KCTD1: variants seen among roughly 807,000 people sequenced by gnomAD.
KCTD1 encodes BTB/POZ domain-containing protein KCTD1.
A neutral mutation model predicts 66.0 loss-of-function variants in KCTD1; 24 were observed. The ratio of observed to expected loss-of-function variants is 0.36; its 90% CI spans 0.26 to 0.51. KCTD1 has a LOEUF of 0.51. Among genes scored for constraint, KCTD1 ranks in the 20% least tolerant of loss-of-function variants. KCTD1 has a pLI of 0.95. For synonymous variants in KCTD1, 511 were observed against 517.2 expected (o/e 0.99, Z 0.16); for missense variants, 943 against 1,205.2 (o/e 0.78, Z 3.22).
chr18:26,577,676 G>T (rs1200994878), intron 1 of KCTD1, among the ~76,000 whole-genome samples: 1 of 152,016 alleles, frequency 6.6e-6, no homozygotes, highest in African/African-American at 2.4e-5. Flanking sequence ...CTGCTGAATG[G>T]CTAGGACTAC....
intron 3 of KCTD1, among the ~76,000 whole-genome samples, chr18:26,460,602 A>G (rs1377300940): frequency 6.6e-6 from 1 of 152,180 alleles, no homozygotes; most frequent in Non-Finnish European, 1.5e-5. Context: ...GTGCCACCTG[A>G]TGGAGCTGCC....
intron 1 of KCTD1, among the ~76,000 whole-genome samples, chr18:26,567,488 G>GTTTT (rs201110977): frequency 8.9e-6 from 1 of 112,768 alleles, no homozygotes. Flanking sequence ...TGTTGTTGTT[G>GTTTT]TTTTTTTTTT....
chr18:26,656,805 C>T lies in KCTD1; in HGVS notation c.9+555G>A, dbSNP rs562576692. ...AGATGTGCGCTTGGCTCTGGGCGCC[C>T]CCGCGGCGCTGGGCGCTCTCGGCGG... On this transcript the variant is annotated intron_variant, in intron 1 of 4. Transcript: ENST00000580191. Among the ~76,000 whole-genome samples the T allele has an allele frequency of 9.5e-3, 1,428 of 150,620 alleles. 25 individuals are homozygous for T. The highest frequency in any genetic ancestry group is 0.033 in the African/African-American group (1,365 of 41,308).
chr18:26,623,307 C>G (rs901544229), intron 1 of KCTD1, among the ~76,000 whole-genome samples: 1 of 152,180 alleles, frequency 6.6e-6, no homozygotes, highest in Non-Finnish European at 1.5e-5. Flanking sequence ...ATTCCTCTTT[C>G]CTTAAGAGGT....
chr18:26,533,799 C>G (rs1469684626), intron 1 of KCTD1, among the ~76,000 whole-genome samples: 5 of 144,474 alleles, frequency 3.5e-5, no homozygotes, highest in Admixed American at 2.9e-4. Context: ...CACTCCTGGC[C>G]TGTGAGAATA....
At chr18:26,456,229 C>T in intron 4 of KCTD1, 1 of 212,310 alleles carries the variant, frequency 4.7e-6, no homozygotes, top group Non-Finnish European at 9.3e-6. Context: ...GTCTGTTTGG[C>T]CTCAAATCTC....
intron 3 of KCTD1, among the ~76,000 whole-genome samples, chr18:26,475,246 CT>C (rs1226537273): frequency 6.6e-6 from 1 of 152,100 alleles, no homozygotes; most frequent in Admixed American, 6.6e-5. Flanking sequence ...ATCCTTAACG[CT>C]TTTTTTCTTC....
intron 3 of KCTD1, among the ~76,000 whole-genome samples, chr18:26,461,908 G>C (rs1230978440): frequency 1.3e-5 from 2 of 152,178 alleles, no homozygotes; most frequent in African/African-American, 4.8e-5. Context: ...CTGAGGTCAG[G>C]AGTCTTGAGA....
At chr18:26,637,364 A>G (rs1302585322) in intron 1 of KCTD1, among the ~76,000 whole-genome samples, 3 of 152,226 alleles carry the variant, frequency 2.0e-5, no homozygotes, top group African/African-American at 7.2e-5. Flanking sequence ...GACTGTGAAC[A>G]ACGAAGAATG....
At chr18:26,657,389 CA>C (rs1988181479) in exon 1 of KCTD1, 2 of 985,574 alleles carry the variant, frequency 2.0e-6, no homozygotes, top group South Asian at 4.7e-5. Flanking sequence ...AGTCTCTCTC[CA>C]AGTCCCCTTT....
At chr18:26,640,069 G>T (rs1415676658) in intron 1 of KCTD1, among the ~76,000 whole-genome samples, 1 of 152,136 alleles carries the variant, frequency 6.6e-6, no homozygotes, top group African/African-American at 2.4e-5. Context: ...TGGTGGCCAC[G>T]GCAATGGTCC....
intron 1 of KCTD1, among the ~76,000 whole-genome samples, chr18:26,647,828 C>CTT (rs398120240): frequency 2.6e-4 from 39 of 150,630 alleles, no homozygotes; most frequent in Non-Finnish European, 5.3e-4. Flanking sequence ...TCACCTAGAT[C>CTT]TTTTTTTTTG....
chr18:26,551,369 C>G (rs911046209), upstream of KCTD1, among the ~76,000 whole-genome samples: 1 of 152,124 alleles, frequency 6.6e-6, no homozygotes, highest in Admixed American at 6.5e-5. Flanking sequence ...GGAAAAGCAG[C>G]AGTTTTGGGT....
intron 1 of KCTD1, among the ~76,000 whole-genome samples, chr18:26,593,637 GGAAGAGAAGGAAGAGGAGGAA>G (rs2144952128): frequency 8.3e-6 from 1 of 120,402 alleles, no homozygotes. Context: ...AAGATGAGGA[GGAAGAGAAGGAAGAGGAGGAA>G]GAGGAGGAGG....
intron 1 of KCTD1, among the ~76,000 whole-genome samples, chr18:26,556,464 C>T (rs1487995151): frequency 3.9e-5 from 6 of 152,202 alleles, no homozygotes; most frequent in African/African-American, 1.4e-4. Flanking sequence ...TGTTGTTTTA[C>T]AATCTTTTCT....
intron 1 of KCTD1, among the ~76,000 whole-genome samples, chr18:26,564,870 C>A (rs573172672): frequency 1.4e-5 from 2 of 143,214 alleles, no homozygotes; most frequent in African/African-American, 5.2e-5. Flanking sequence ...GCCTGGGCAA[C>A]AAGAACCAAA....
Position 26,546,833 on chromosome 18 carries a change from C to T in KCTD1, c.1704G>A (p.Val568=). The part of the protein sequence containing the change: ...RPSEPVDAVV[V]VSVKHDPLPL... Reference sequence around the variant, plus strand: ...GCAGGGGGTCGTGTTTCACGGAAACCACCACCACCGCATCCACAGGCTCCG... The same window carrying T: ...GCAGGGGGTCGTGTTTCACGGAAACTACCACCACCGCATCCACAGGCTCCG... Residue 568 remains valine (V), a synonymous_variant, in exon 1 of 5, where the codon GTG becomes GTA. Transcript: ENST00000580059. 6 of 1,529,780 alleles carry T rather than the reference C, an allele frequency of 3.9e-6. No homozygotes were observed. Among genetic ancestry groups the T allele is most frequent in the Non-Finnish European group, 5.3e-6 (6 of 1,138,568 alleles). 94.8% of individuals were successfully genotyped at this position (1,529,780 alleles called of 1,614,324 possible). A position where few individuals can be genotyped will look rare whatever the true frequency, so the allele number is the denominator to read the frequency against.
At chr18:26,518,904 C>T (rs969892061) in intron 1 of KCTD1, among the ~76,000 whole-genome samples, 5 of 152,180 alleles carry the variant, frequency 3.3e-5, no homozygotes, top group Non-Finnish European at 7.3e-5. Context: ...AATCCCAATA[C>T]ACTTTATACT....
Position 26,526,441 on chromosome 18 carries a change from G to A in KCTD1, c.1809+20287C>T, listed in dbSNP as rs537582926. On this transcript the variant is annotated intron_variant, in intron 1 of 4. Transcript: ENST00000580059. The stretch of plus-strand genomic sequence containing the variant: ...TGCAGGATTATTTGGGGTGGCACGC[G>A]ATGACCATTTTACGGCTTCTAAATA... 2.0e-5 allele frequency among the ~76,000 whole-genome samples: 3 copies of A among 152,298 alleles called. No homozygotes were observed. The East Asian group carries it at 5.8e-4, about 29-fold the overall frequency.
Sources: gnomAD v4.1 joint callset for allele counts (sites outside exome capture counted in the v4.1 genomes callset) on GRCh38, gnomAD v4.1.1 for gene constraint, MANE v1.5 for transcripts, NCBI Gene and HGNC (gene_info 2026-07-23, HGNC 2026-07-21) for gene names.